Variants in CCSER1 observed in about 807,000 individuals in gnomAD.
CCSER1 encodes the protein serine-rich coiled-coil domain-containing protein 1.
In CCSER1, 41 loss-of-function variants were observed where a neutral mutation model predicts 82.0. That is an observed-to-expected ratio of 0.50 (90% CI 0.39 to 0.65). CCSER1 has a LOEUF of 0.65. Among genes scored for constraint, CCSER1 ranks in the 30% least tolerant of loss-of-function variants. The pLI is 0.00. For synonymous variants in CCSER1, 414 were observed against 383.9 expected (o/e 1.08, Z -0.92); for missense variants, 1,119 against 1,064.2 (o/e 1.05, Z -0.72).
In CCSER1 at chr4:91,158,546, A is replaced by C. The variant is rs534931514; in HGVS notation, c.2217+72552A>C. Reference sequence around the variant, plus strand: ...TGGCGCATAGTATAATTTTGTGGTTAGTTTACAAAAACTTTTCTACGATAT... The same window carrying C: ...TGGCGCATAGTATAATTTTGTGGTTCGTTTACAAAAACTTTTCTACGATAT... On this transcript the variant is annotated intron_variant, in intron 10 of 10. Coordinates refer to ENST00000509176, the MANE Select transcript of CCSER1 (RefSeq NM_001145065.2). Among the ~76,000 whole-genome samples the C allele has an allele frequency of 2.0e-5, 3 of 152,084 alleles. No homozygotes were observed. In the South Asian group the frequency reaches 6.2e-4, roughly 32 times the overall value.
intron 8 of CCSER1, among the ~76,000 whole-genome samples, chr4:90,820,236 G>C (rs544281965): frequency 1.7e-4 from 26 of 152,200 alleles, no homozygotes; most frequent in Non-Finnish European, 4.4e-5. Context: ...TTCTCTATTT[G>C]GGCATTGGTT....
chr4:91,370,785 G>A (rs1749984305), intron 10 of CCSER1, among the ~76,000 whole-genome samples: 1 of 152,138 alleles, frequency 6.6e-6, no homozygotes, highest in South Asian at 2.1e-4. Context: ...CAGAGACATA[G>A]AATGTGTAAT....
intron 2 of CCSER1, among the ~76,000 whole-genome samples, chr4:90,310,550 G>C (rs2153479774): frequency 6.6e-6 from 1 of 152,160 alleles, no homozygotes; most frequent in South Asian, 2.1e-4. Context: ...AAGAAGATGG[G>C]AGCAAAGATA....
At chr4:91,498,825 AAT>A (rs1759064242) in intron 10 of CCSER1, among the ~76,000 whole-genome samples, 1 of 151,942 alleles carries the variant, frequency 6.6e-6, no homozygotes, top group African/African-American at 2.4e-5. Flanking sequence ...TATCACATAA[AAT>A]ATGTCCCATT....
At chr4:90,598,837 T>C (rs1783690034) in intron 5 of CCSER1, among the ~76,000 whole-genome samples, 1 of 152,094 alleles carries the variant, frequency 6.6e-6, no homozygotes, top group Non-Finnish European at 1.5e-5. Context: ...GATGAGCCTC[T>C]GAGGCACCTT....
chr4:91,316,332 G>A (rs923838732), intron 10 of CCSER1, among the ~76,000 whole-genome samples: 2 of 151,934 alleles, frequency 1.3e-5, no homozygotes, highest in African/African-American at 2.4e-5. Flanking sequence ...TACATCATGA[G>A]CACTCAATAA....
chr4:91,580,498 G>A (rs1310347615), intron 10 of CCSER1, among the ~76,000 whole-genome samples: 1 of 151,704 alleles, frequency 6.6e-6, no homozygotes, highest in African/African-American at 2.4e-5. Flanking sequence ...AGATGATATG[G>A]TTAGAAAATT....
rs554329003 is a variant in CCSER1, at chr4:91,091,377, C to T, written c.2217+5383C>T. ...AGACTTTGTACTGAGTGTTATTATACAAACATGTTCCTTTTGGAATTACTA... is the reference window on the plus strand; with the variant it reads ...AGACTTTGTACTGAGTGTTATTATATAAACATGTTCCTTTTGGAATTACTA... On this transcript the variant is annotated intron_variant, in intron 10 of 10. Coordinates refer to ENST00000509176, the MANE Select transcript of CCSER1 (RefSeq NM_001145065.2). Among the ~76,000 whole-genome samples the T allele has an allele frequency of 3.9e-5, 6 of 152,238 alleles. No individual in the cohort carries two copies. In the South Asian group the frequency reaches 6.2e-4, roughly 16 times the overall value.
intron 1 of CCSER1, among the ~76,000 whole-genome samples, chr4:90,181,885 C>T (rs1462652069): frequency 1.3e-5 from 2 of 152,072 alleles, no homozygotes; most frequent in East Asian, 1.9e-4. Context: ...GAGACAGCCA[C>T]AGCCCATAAA....
intron 10 of CCSER1, among the ~76,000 whole-genome samples, chr4:91,297,301 C>T (rs1196113822): frequency 1.3e-5 from 2 of 151,394 alleles, no homozygotes; most frequent in Non-Finnish European, 2.9e-5. Context: ...TAGCAGTAAA[C>T]AGTTTCCCCA....
In CCSER1 at chr4:90,808,942, A is replaced by G. The variant is rs139706655; in HGVS notation, c.2011-6820A>G. 1.9e-3 allele frequency among the ~76,000 whole-genome samples: 289 copies of G among 152,334 alleles called. 2 individuals carry two copies. The highest frequency in any genetic ancestry group is 6.8e-3 in the Middle Eastern group (2 of 294). On this transcript the variant is annotated intron_variant, in intron 7 of 10. Transcript: ENST00000509176. ...ATATCAAAAAGACATGTGCATGCAT[A>G]TGTTTACCACAGCACAATTCACAAT...
chr4:91,024,981 T>C (rs1740360062), intron 9 of CCSER1, among the ~76,000 whole-genome samples: 1 of 152,126 alleles, frequency 6.6e-6, no homozygotes, highest in Non-Finnish European at 1.5e-5. Context: ...AAGAGCACTA[T>C]TGTATTTTTA....
chr4:91,242,827 C>T (rs1739473422), intron 10 of CCSER1, among the ~76,000 whole-genome samples: 1 of 152,102 alleles, frequency 6.6e-6, no homozygotes, highest in Non-Finnish European at 1.5e-5. Context: ...GACAAAAGAT[C>T]TAAAGGTTGG....
At chr4:91,405,995 A>G (rs1467306296) in intron 10 of CCSER1, among the ~76,000 whole-genome samples, 1 of 152,162 alleles carries the variant, frequency 6.6e-6, no homozygotes, top group African/African-American at 2.4e-5. Context: ...CTATTTGGCC[A>G]TCTTGGAACT....
intron 7 of CCSER1, among the ~76,000 whole-genome samples, chr4:90,804,447 CCAA>C (rs1255842132): frequency 6.6e-6 from 1 of 152,042 alleles, no homozygotes; most frequent in African/African-American, 2.4e-5. Context: ...GCCAGTTTTC[CCAA>C]CAACATTTAT....
intron 1 of CCSER1, among the ~76,000 whole-genome samples, chr4:90,174,437 T>C (rs1396111129): frequency 6.6e-6 from 1 of 151,844 alleles, no homozygotes; most frequent in African/African-American, 2.4e-5. Context: ...CAAAGAACAA[T>C]GGATCGTAAA....
At chr4:91,111,235 C>T (rs1258321096) in intron 10 of CCSER1, among the ~76,000 whole-genome samples, 2 of 151,936 alleles carry the variant, frequency 1.3e-5, no homozygotes, top group Non-Finnish European at 2.9e-5. Flanking sequence ...ACAAGGTCTG[C>T]AGACACTCAT....
At chr4:91,496,977 C>T (rs755960185) in intron 10 of CCSER1, among the ~76,000 whole-genome samples, 3 of 149,442 alleles carry the variant, frequency 2.0e-5, no homozygotes, top group African/African-American at 2.4e-5. Context: ...ATAGACTTAT[C>T]GATGTTCTTC....
At chr4:91,143,953 T>G (rs1371583395) in intron 10 of CCSER1, among the ~76,000 whole-genome samples, 1 of 151,994 alleles carries the variant, frequency 6.6e-6, no homozygotes, top group Non-Finnish European at 1.5e-5. Flanking sequence ...TATTGTGTCT[T>G]TGTCAGATTT....
Sources: gnomAD v4.1 joint callset for allele counts (sites outside exome capture counted in the v4.1 genomes callset) on GRCh38, gnomAD v4.1.1 for gene constraint, MANE v1.5 for transcripts, NCBI Gene and HGNC (gene_info 2026-07-23, HGNC 2026-07-21) for gene names.